The following SCFD2 variants were observed in gnomAD, a reference collection of about 807,000 sequenced individuals.
The protein encoded by SCFD2 is sec1 family domain-containing protein 2.
Under a neutral mutation model 58.9 loss-of-function variants are expected in SCFD2, and 54 were observed. That is an observed-to-expected ratio of 0.92 (90% CI 0.74 to 1.15). The LOEUF (loss-of-function observed/expected upper bound fraction) is 1.15, where lower values mean the gene tolerates loss of function less well. Among genes scored for constraint, SCFD2 ranks in the 50% most tolerant of loss-of-function variants. The probability of loss-of-function intolerance (pLI) is 0.00; values close to 1 mark genes in which losing one functional copy is unlikely to be tolerated. For synonymous variants in SCFD2, 321 were observed against 335.9 expected, an observed-to-expected ratio of 0.96 and a Z score of 0.49; for missense variants, 805 against 836.6, an observed-to-expected ratio of 0.96 and a Z score of 0.47.
intron 1 of SCFD2, among the ~76,000 whole-genome samples, chr4:53,362,674 T>G (rs1432180208): frequency 1.1e-5 from 1 of 93,022 alleles, no homozygotes; most frequent in Non-Finnish European, 2.3e-5. Context: ...AAGTTTGCTA[T>G]AAAATAAAGC....
chr4:53,047,589 CAT>C (rs1723074620), intron 5 of SCFD2, among the ~76,000 whole-genome samples: 1 of 152,220 alleles, frequency 6.6e-6, no homozygotes, highest in Non-Finnish European at 1.5e-5. Flanking sequence ...AATGCACACA[CAT>C]GTACACACAT....
chr4:53,292,341 A>G (rs1442195052), intron 3 of SCFD2, among the ~76,000 whole-genome samples: 1 of 152,220 alleles, frequency 6.6e-6, no homozygotes, highest in African/African-American at 2.4e-5. Flanking sequence ...CAAGGATATT[A>G]AACAAATTTA....
chr4:53,334,064 A>C (rs935727176), intron 2 of SCFD2, among the ~76,000 whole-genome samples: 23 of 152,272 alleles, frequency 1.5e-4, no homozygotes, highest in South Asian at 1.2e-3. Context: ...CCATCTCACA[A>C]CAGTTAGAAT....
chr4:53,036,393 T>A (rs1046840802), intron 5 of SCFD2, among the ~76,000 whole-genome samples: 1 of 150,742 alleles, frequency 6.6e-6, no homozygotes, highest in Non-Finnish European at 1.5e-5. Context: ...TGAATGTACA[T>A]GTATATTTAT....
At chr4:53,102,305 T>C (rs922438426) in intron 5 of SCFD2, among the ~76,000 whole-genome samples, 1 of 152,098 alleles carries the variant, frequency 6.6e-6, no homozygotes, top group Admixed American at 6.6e-5. Context: ...TACAAGTAAT[T>C]TTTGATGGAT....
chr4:53,048,162 T>C (rs1447440894), intron 5 of SCFD2, among the ~76,000 whole-genome samples: 5 of 151,962 alleles, frequency 3.3e-5, no homozygotes, highest in African/African-American at 1.2e-4. Context: ...ACCAGCCTAG[T>C]CAACATGGCG....
chr4:53,274,850 A>C (rs530642246), intron 3 of SCFD2, among the ~76,000 whole-genome samples: 35 of 152,332 alleles, frequency 2.3e-4, no homozygotes, highest in Middle Eastern at 3.4e-3. Flanking sequence ...TCTCCCCACC[A>C]GGCAAAAAGG....
At chr4:53,103,730 C>G (rs2148877551) in intron 5 of SCFD2, among the ~76,000 whole-genome samples, 1 of 106,278 alleles carries the variant, frequency 9.4e-6, no homozygotes, top group African/African-American at 3.6e-5. Flanking sequence ...AGGAAATATA[C>G]ATGAGTCTGG....
In SCFD2 at chr4:52,943,807, CTCTGTATCA is replaced by C. The variant is rs1720352048; in HGVS notation, c.1562-22946_1562-22938del. Among the ~76,000 whole-genome samples the C allele has an allele frequency of 2.0e-5, 3 of 152,304 alleles. No homozygotes were observed. The South Asian group carries it at 6.2e-4, about 32-fold the overall frequency. On this transcript the variant is annotated intron_variant, in intron 5 of 8. Transcript: ENST00000401642. ...AGACCCTGAGCTCACCATGCAATGGCTCTGTATCACCCATCTTGGCTTCCTTCTTCTTCT... is the reference window on the plus strand; with the variant it reads ...AGACCCTGAGCTCACCATGCAATGGCCCCATCTTGGCTTCCTTCTTCTTCT...
At chr4:53,029,460 A>T (rs898907331) in intron 5 of SCFD2, among the ~76,000 whole-genome samples, 2 of 152,140 alleles carry the variant, frequency 1.3e-5, no homozygotes, top group African/African-American at 4.8e-5. Context: ...CATATTGTAC[A>T]TGCACTCCAC....
chr4:53,272,202 CAA>C (rs1577919558), intron 4 of SCFD2, among the ~76,000 whole-genome samples: 2 of 152,114 alleles, frequency 1.3e-5, no homozygotes, highest in African/African-American at 4.8e-5. Flanking sequence ...AGTCAGGAAA[CAA>C]CAGGTGCTGG....
chr4:53,202,817 GCTCT>G (rs1230802018), intron 4 of SCFD2, among the ~76,000 whole-genome samples: 2 of 151,920 alleles, frequency 1.3e-5, no homozygotes, highest in Non-Finnish European at 2.9e-5. Flanking sequence ...TCATGATTTG[GCTCT>G]CTGTTTGTCT....
chr4:53,265,186 T>C (rs574460193), intron 4 of SCFD2, among the ~76,000 whole-genome samples: 4 of 152,196 alleles, frequency 2.6e-5, no homozygotes, highest in Non-Finnish European at 4.4e-5. Context: ...AGTGATTTTA[T>C]AGAGGGGAAA....
intron 5 of SCFD2, among the ~76,000 whole-genome samples, chr4:53,033,538 T>C (rs1722675820): frequency 6.6e-6 from 1 of 152,050 alleles, no homozygotes; most frequent in African/African-American, 2.4e-5. Flanking sequence ...GAGCTAGCTT[T>C]TTCAAAAGAA....
At chr4:53,221,999 A>T (rs1277798166) in intron 4 of SCFD2, among the ~76,000 whole-genome samples, 1 of 152,240 alleles carries the variant, frequency 6.6e-6, no homozygotes, top group African/African-American at 2.4e-5. Flanking sequence ...ACTTTGAATG[A>T]GTCAAATTTC....
intron 3 of SCFD2, among the ~76,000 whole-genome samples, chr4:53,291,885 T>C (rs1731853081): frequency 6.6e-6 from 1 of 152,146 alleles, no homozygotes; most frequent in Admixed American, 6.6e-5. Context: ...GGGGAAAGGA[T>C]TCATATTTAA....
intron 4 of SCFD2, among the ~76,000 whole-genome samples, chr4:53,196,308 C>T (rs1307729013): frequency 2.0e-5 from 3 of 152,060 alleles, no homozygotes; most frequent in Non-Finnish European, 2.9e-5. Flanking sequence ...GAAATGCTGG[C>T]GTGTCTTCAA....
At chr4:53,209,319 C>T (rs1201375390) in intron 4 of SCFD2, among the ~76,000 whole-genome samples, 2 of 152,110 alleles carry the variant, frequency 1.3e-5, no homozygotes, top group African/African-American at 4.8e-5. Flanking sequence ...GCCAGGAAAG[C>T]TTCTCCTTTG....
At chr4:53,211,242 A>G (rs1192609252) in intron 4 of SCFD2, among the ~76,000 whole-genome samples, 2 of 9,740 alleles carry the variant, frequency 2.1e-4, no homozygotes, top group African/African-American at 5.8e-4. Flanking sequence ...ACTCCATGTG[A>G]AAAAAAAAAA....
Sources: allele counts gnomAD v4.1 joint callset (sites outside exome capture counted in the v4.1 genomes callset), GRCh38; gene constraint gnomAD v4.1.1; transcripts MANE v1.5; gene names NCBI Gene and HGNC (gene_info 2026-07-23, HGNC 2026-07-21).